Variants in TMEM62 observed in about 807,000 individuals in gnomAD.
TMEM62 encodes the protein transmembrane protein 62.
A neutral mutation model predicts 70.4 loss-of-function variants in TMEM62; 41 were observed. The ratio of observed to expected loss-of-function variants is 0.58; its 90% CI spans 0.45 to 0.76. The LOEUF is 0.76. Among genes scored for constraint, TMEM62 ranks in the 30% least tolerant of loss-of-function variants. TMEM62 has a pLI of 0.00. For synonymous variants in TMEM62, 268 were observed against 291.0 expected (o/e 0.92, Z 0.80); for missense variants, 688 against 788.5 (o/e 0.87, Z 1.53).
chr15:43,159,029 T>C (rs2038361508), intron 9 of TMEM62, among the ~76,000 whole-genome samples: 1 of 152,236 alleles, frequency 6.6e-6, no homozygotes, highest in African/African-American at 2.4e-5. Context: ...TTCGTTTTCT[T>C]ACTTTCTGAT....
At chr15:43,175,521 A>G (rs935493362) in intron 11 of TMEM62, among the ~76,000 whole-genome samples, 1 of 152,132 alleles carries the variant, frequency 6.6e-6, no homozygotes, top group African/African-American at 2.4e-5. Context: ...GGGGCTGAGG[A>G]TCTGTGGTAC....
intron 9 of TMEM62, among the ~76,000 whole-genome samples, chr15:43,155,254 A>T (rs2037903466): frequency 6.6e-6 from 1 of 151,942 alleles, no homozygotes; most frequent in African/African-American, 2.4e-5. Context: ...AAGTGAAAAA[A>T]TTGGGGCTGA....
Position 43,141,338 on chromosome 15 carries a change from A to T in TMEM62, c.476+2719A>T, listed in dbSNP as rs367685870. On this transcript the variant is annotated intron_variant, in intron 4 of 13. Coordinates refer to ENST00000260403, the MANE Select transcript of TMEM62 (RefSeq NM_024956.4). ...GAAAATCCTTGGGTGCTTAAGCGTTATGCTAAATCTACTCTGCCTGTGTTC... is the reference window on the plus strand; with the variant it reads ...GAAAATCCTTGGGTGCTTAAGCGTTTTGCTAAATCTACTCTGCCTGTGTTC... 3.3e-5 allele frequency among the ~76,000 whole-genome samples: 5 copies of T among 152,228 alleles called. No homozygotes were observed. In the East Asian group the frequency reaches 9.6e-4, roughly 29 times the overall value.
At chr15:43,142,693 C>A (rs1475020834) in intron 4 of TMEM62, among the ~76,000 whole-genome samples, 2 of 149,384 alleles carry the variant, frequency 1.3e-5, no homozygotes, top group African/African-American at 4.9e-5. Context: ...TTTTTTGAGA[C>A]AGGGTCTCTC....
In TMEM62 at chr15:43,151,859, G is replaced by C; in HGVS notation, c.936G>C (p.Val312=). The change falls in exon 8 of 14, where the codon GTG becomes GTC. Residue 312 remains valine, a synonymous_variant. Coordinates refer to ENST00000260403, the MANE Select transcript of TMEM62 (RefSeq NM_024956.4). ...FADLIFGKWP[V]VLITNPKSLL... ...ATTTGATCTTTGGGAAGTGGCCTGT[G>C]GTTCTTATCACCAATCCTAAATCAC... 1 of 1,613,930 alleles carries C rather than the reference G, an allele frequency of 6.2e-7. No individual in the cohort carries two copies. The highest frequency in any genetic ancestry group is 8.5e-7 in the Non-Finnish European group (1 of 1,179,934).
chr15:43,162,985 C>T (rs2038939056), intron 10 of TMEM62, among the ~76,000 whole-genome samples: 2 of 151,114 alleles, frequency 1.3e-5, no homozygotes, highest in African/African-American at 4.8e-5. Context: ...TATCCTCGCT[C>T]ATTAAAATAT....
intron 10 of TMEM62, among the ~76,000 whole-genome samples, chr15:43,165,829 G>T (rs558958948): frequency 6.6e-6 from 1 of 152,218 alleles, no homozygotes; most frequent in Non-Finnish European, 1.5e-5. Flanking sequence ...GTGTTTTCAA[G>T]AAGTTCATTG....
At chr15:43,181,757 C>T (rs1421728107) in intron 13 of TMEM62, among the ~76,000 whole-genome samples, 1 of 152,200 alleles carries the variant, frequency 6.6e-6, no homozygotes, top group Admixed American at 6.5e-5. Context: ...CTGCCTTGGC[C>T]TCCGAAAGTG....
At chr15:43,155,220 A>C (rs749504878) in intron 9 of TMEM62, among the ~76,000 whole-genome samples, 18 of 152,110 alleles carry the variant, frequency 1.2e-4, no homozygotes, top group African/African-American at 1.7e-4. Context: ...ACAGAGCCAG[A>C]CCCTGTCTCA....
chr15:43,153,713 T>TA (rs2037692241), intron 8 of TMEM62, among the ~76,000 whole-genome samples: 1 of 152,062 alleles, frequency 6.6e-6, no homozygotes, highest in Non-Finnish European at 1.5e-5. Context: ...TATACACACA[T>TA]ACACACATAC....
intron 4 of TMEM62, among the ~76,000 whole-genome samples, chr15:43,140,246 G>GT (rs1276394630): frequency 6.6e-6 from 1 of 152,198 alleles, no homozygotes; most frequent in Non-Finnish European, 1.5e-5. Flanking sequence ...TAACGTGGCT[G>GT]TAACTGTCTT....
At chr15:43,146,845 C>T (rs1021530438) in intron 5 of TMEM62, among the ~76,000 whole-genome samples, 2 of 152,146 alleles carry the variant, frequency 1.3e-5, no homozygotes, top group African/African-American at 2.4e-5. Context: ...AAAGAAGTAC[C>T]TCACACTTTA....
intron 6 of TMEM62, 51 bp from the exon 7 acceptor site, chr15:43,148,978 G>A (rs1315626843): frequency 1.2e-6 from 2 of 1,608,036 alleles, no homozygotes; most frequent in Non-Finnish European, 1.7e-6. Flanking sequence ...TATTAGTTTG[G>A]CCTCACGCGT....
chr15:43,161,177 G>A (rs1015233996), intron 10 of TMEM62, among the ~76,000 whole-genome samples: 7 of 152,130 alleles, frequency 4.6e-5, no homozygotes, highest in African/African-American at 1.7e-4. Flanking sequence ...GGGGACTATT[G>A]TAAACATATG....
chr15:43,181,384 G>A (rs886294981), intron 13 of TMEM62, 85 bp downstream of exon 13: 1 of 850,782 alleles, frequency 1.2e-6, no homozygotes, highest in Admixed American at 1.9e-5. Flanking sequence ...CCAAAATCCA[G>A]AATTAAGTAC....
intron 11 of TMEM62, among the ~76,000 whole-genome samples, chr15:43,175,214 T>C (rs1456592232): frequency 6.6e-6 from 1 of 152,186 alleles, no homozygotes; most frequent in African/African-American, 2.4e-5. Context: ...CTTTGAGAAG[T>C]ACAGACTAGA....
chr15:43,158,927 TA>T (rs1454130391), intron 9 of TMEM62, among the ~76,000 whole-genome samples: 1 of 152,242 alleles, frequency 6.6e-6, no homozygotes, highest in Non-Finnish European at 1.5e-5. Flanking sequence ...TTGCATTTAT[TA>T]TTTTCCATGC....
chr15:43,148,775 A>G lies in TMEM62; in HGVS notation c.639A>G (p.Leu213=). The change falls in exon 6 of 14, where the codon TTA becomes TTG. Residue 213 remains leucine, a synonymous_variant. Transcript: ENST00000260403. ...CTCAGAAAAAGATGGAGGAGCTCTT[A>G]TTACTGGCCAAGGAAAGCAGTCGGA... ...ILDKKKMEEL[L]LLAKESSRSN... 6.2e-7 allele frequency: 1 copy of G among 1,614,026 alleles called. No homozygotes were observed. The highest frequency in any genetic ancestry group is 1.1e-5 in the South Asian group (1 of 91,022).
chr15:43,149,722 C>G (rs1217018000), intron 7 of TMEM62, among the ~76,000 whole-genome samples: 1 of 152,036 alleles, frequency 6.6e-6, no homozygotes, highest in Non-Finnish European at 1.5e-5. Context: ...GCGCCTGGCC[C>G]AAACTGCCTT....
Sources: allele counts gnomAD v4.1 joint callset (sites outside exome capture counted in the v4.1 genomes callset), GRCh38; gene constraint gnomAD v4.1.1; transcripts MANE v1.5; gene names NCBI Gene and HGNC (gene_info 2026-07-23, HGNC 2026-07-21).